Variants in SS18 observed in about 807,000 individuals in gnomAD.
SS18 encodes the protein protein SSXT.
Under a neutral mutation model 72.5 loss-of-function variants are expected in SS18, and 28 were observed. The ratio of observed to expected loss-of-function variants is 0.39; its 90% CI spans 0.29 to 0.53. The LOEUF is 0.53. Among genes scored for constraint, SS18 ranks in the 20% least tolerant of loss-of-function variants. SS18 has a pLI of 0.76. For missense variants in SS18, 518 were observed against 535.3 expected (o/e 0.97, Z 0.32); for synonymous variants, 172 against 164.2 (o/e 1.05, Z -0.37).
chr18:26,043,410 C>G (rs879573324), intron 5 of SS18, among the ~76,000 whole-genome samples: 1 of 151,334 alleles, frequency 6.6e-6, no homozygotes, highest in South Asian at 2.1e-4. Flanking sequence ...AGATAATACC[C>G]TCCTCAGGCC....
At chr18:26,065,011 A>G (rs1355991332) in intron 3 of SS18, 1 of 152,162 alleles carries the variant, frequency 6.6e-6, no homozygotes, top group Non-Finnish European at 1.5e-5. Context: ...AAAAAAACTC[A>G]AAACACTAGG....
intron 10 of SS18, among the ~76,000 whole-genome samples, chr18:26,029,495 G>C (rs532770753): frequency 2.0e-5 from 3 of 152,286 alleles, no homozygotes; most frequent in Non-Finnish European, 2.9e-5. Context: ...GTGAAAAATG[G>C]CTAGATATTA....
chr18:26,075,591 G>A (rs1214800771), intron 3 of SS18, among the ~76,000 whole-genome samples: 2 of 151,824 alleles, frequency 1.3e-5, no homozygotes, highest in African/African-American at 4.8e-5. Context: ...TCCTTAATCT[G>A]ACAAGTTATC....
chr18:26,087,424 A>G, intron 2 of SS18, 77 bp downstream of exon 2: 1 of 778,120 alleles, frequency 1.3e-6, no homozygotes, highest in Non-Finnish European at 2.2e-6. Flanking sequence ...TTATATCTCA[A>G]TAAAGCTGTT....
intron 2 of SS18, chr18:26,079,060 T>C (rs188685250): frequency 1.5e-4 from 23 of 152,330 alleles, no homozygotes; most frequent in Admixed American, 1.2e-3. Flanking sequence ...TTAGGCCCAC[T>C]GTGTTTATAC....
intron 9 of SS18, 118 bp from the exon 10 acceptor site, chr18:26,032,650 T>C (rs946624503): frequency 8.6e-7 from 1 of 1,165,960 alleles, no homozygotes; most frequent in Non-Finnish European, 1.2e-6. Flanking sequence ...AAAAAGATAG[T>C]TTGGTACCTT....
chr18:26,090,096 C>G (rs901961942), intron 1 of SS18: 2 of 193,696 alleles, frequency 1.0e-5, no homozygotes, highest in African/African-American at 4.7e-5. Context: ...GGGGTCCGCA[C>G]GAAGCAGCCG....
chr18:26,063,140 A>G (rs1228152162), intron 3 of SS18, among the ~76,000 whole-genome samples: 1 of 152,228 alleles, frequency 6.6e-6, no homozygotes, highest in Non-Finnish European at 1.5e-5. Flanking sequence ...AATAAATATC[A>G]AAAGATTGAA....
chr18:26,072,444 C>T (rs2054328304), intron 3 of SS18, among the ~76,000 whole-genome samples: 1 of 150,694 alleles, frequency 6.6e-6, no homozygotes, highest in Non-Finnish European at 1.5e-5. Flanking sequence ...ATGCAAACAC[C>T]AAAGAAAGCT....
intron 3 of SS18, among the ~76,000 whole-genome samples, chr18:26,076,272 A>G (rs528554380): frequency 7.1e-4 from 104 of 145,500 alleles, no homozygotes; most frequent in African/African-American, 2.3e-3. Flanking sequence ...ATATTCTTGG[A>G]AAAAAAAAAA....
chr18:26,035,943 G>A lies in SS18; in HGVS notation c.881-20C>T, dbSNP rs760747470. 4 of 1,555,788 alleles carry A rather than the reference G, an allele frequency of 2.6e-6. No individual in the cohort carries two copies. The highest frequency in any genetic ancestry group is 1.2e-5 in the South Asian group (1 of 86,036). On this transcript the variant is annotated intron_variant, in intron 7 of 10. Transcript: ENST00000415083. The surrounding 1 kb of genome is among the most constrained non-coding windows in gnomAD (Gnocchi z 4.4). ...TATGACCTACATCAATTCGACAAGA[G>A]ACAGGAAGAAACGTTAATGGCCACT...
rs780441385 is a variant in SS18 at position 26,035,896 on chromosome 18, G to A, written c.908C>T (p.Pro303Leu). Reference sequence around the variant, plus strand: ...ATCGTAGCCTTGTTCAGGATACGACGGTTGCTGATAACCGTAATCATTATG... The same window carrying A: ...ATCGTAGCCTTGTTCAGGATACGACAGTTGCTGATAACCGTAATCATTATG... Reference protein sequence around the residue: ...DGHNDYGYQQPSYPEQGYDRP... With the variant: ...DGHNDYGYQQLSYPEQGYDRP... Residue 303 changes from proline to leucine, a missense_variant, in exon 8 of 11, where the codon CCG (proline) becomes CTG (leucine). Physicochemically the swap from Pro to Leu is moderately conservative, Grantham distance 98. Transcript: ENST00000415083. The surrounding 1 kb of genome is among the most constrained non-coding windows in gnomAD (Gnocchi z 4.4). The A allele has an allele frequency of 3.1e-6, 5 of 1,600,820 alleles. No homozygotes were observed. Among genetic ancestry groups the A allele is most frequent in the Middle Eastern group, 1.6e-4 (1 of 6,070 alleles).
At chr18:26,068,576 G>T (rs556755764) in intron 3 of SS18, 1 of 152,194 alleles carries the variant, frequency 6.6e-6, no homozygotes, top group Non-Finnish European at 1.5e-5. Flanking sequence ...AGGAAACTCT[G>T]TAAGACCAAA....
chr18:26,066,600 G>GCACACACACA lies in SS18; in HGVS notation c.232-8868_232-8859dup, dbSNP rs35011668. Among the ~76,000 whole-genome samples, 1,427 of 144,400 alleles carry GCACACACACA rather than the reference G, an allele frequency of 9.9e-3. 15 individuals carry two copies. Among genetic ancestry groups the GCACACACACA allele is most frequent in the South Asian group, 0.027 (122 of 4,526 alleles). 94.7% of individuals were successfully genotyped at this position (144,400 alleles called of 152,430 possible). A position where few individuals can be genotyped will look rare whatever the true frequency, so the allele number is the denominator to read the frequency against. On this transcript the variant is annotated intron_variant, in intron 3 of 10. Coordinates refer to ENST00000415083, the MANE Select transcript of SS18 (RefSeq NM_001007559.3). ...TTTTAATATAGTTCTGGAAATTTGTGCACACACACACACACACACACACAC... is the reference window on the plus strand; with the variant it reads ...TTTTAATATAGTTCTGGAAATTTGTGCACACACACACACACACACACACACACACACACAC...
intron 10 of SS18, among the ~76,000 whole-genome samples, chr18:26,022,808 T>G: frequency 6.6e-6 from 1 of 152,194 alleles, no homozygotes; most frequent in South Asian, 2.1e-4. Flanking sequence ...TACCCAGGGC[T>G]GAGGCAAGAA....
At chr18:26,043,976 TAC>T (rs1373913539) in intron 5 of SS18, among the ~76,000 whole-genome samples, 11 of 152,318 alleles carry the variant, frequency 7.2e-5, no homozygotes, top group African/African-American at 2.6e-4. Context: ...AGACCATCTT[TAC>T]ACACAGTTAT....
chr18:26,041,591 T>C lies in SS18; in HGVS notation c.608-2135A>G, dbSNP rs74445100. ...AACATTCATAATTTAATAGGTAACC[T>C]GATCGGACATTTATGTAATTCATTT... On this transcript the variant is annotated intron_variant, in intron 5 of 10. Transcript: ENST00000415083. Among the ~76,000 whole-genome samples the C allele has an allele frequency of 6.8e-3, 1,034 of 152,322 alleles. 6 individuals carry two copies. The highest frequency in any genetic ancestry group is 0.023 in the African/African-American group (975 of 41,562).
chr18:26,088,852 G>T (rs1489101558), intron 1 of SS18, among the ~76,000 whole-genome samples: 1 of 151,574 alleles, frequency 6.6e-6, no homozygotes, highest in Non-Finnish European at 1.5e-5. Context: ...ACTTTTTTAT[G>T]CACGTGAATC....
At chr18:26,019,405 T>C (rs909846625) in intron 10 of SS18, among the ~76,000 whole-genome samples, 13 of 152,160 alleles carry the variant, frequency 8.5e-5, no homozygotes, top group Non-Finnish European at 1.9e-4. Flanking sequence ...GAAATACTTC[T>C]CTACCATAAG....
Sources: gnomAD v4.1 joint callset for allele counts (sites outside exome capture counted in the v4.1 genomes callset) on GRCh38, gnomAD v4.1.1 for gene constraint, Gnocchi (gnomAD v3.1) non-coding constraint, MANE v1.5 for transcripts, NCBI Gene and HGNC (gene_info 2026-07-23, HGNC 2026-07-21) for gene names.